Variants in TGM4 observed in about 807,000 individuals in gnomAD.
The protein encoded by TGM4 is protein-glutamine gamma-glutamyltransferase 4.
Under a neutral mutation model 76.3 loss-of-function variants are expected in TGM4, and 61 were observed. That is an observed-to-expected ratio of 0.80 (90% CI 0.65 to 0.99). TGM4 has a LOEUF of 0.99. TGM4 is among the 50% of genes least tolerant of loss of function. TGM4 has a pLI of 0.00. For missense variants in TGM4, 794 were observed against 843.2 expected (o/e 0.94, Z 0.72); for synonymous variants, 337 against 329.8 (o/e 1.02, Z -0.24).
chr3:44,899,023 C>T (rs959060987), intron 6 of TGM4, among the ~76,000 whole-genome samples: 1 of 152,204 alleles, frequency 6.6e-6, no homozygotes, highest in Non-Finnish European at 1.5e-5. Context: ...GGCTGCTTCT[C>T]CTTTCAAGCT....
At chr3:44,875,856 A>C (rs915648004) in intron 1 of TGM4, among the ~76,000 whole-genome samples, 4 of 152,328 alleles carry the variant, frequency 2.6e-5, no homozygotes, top group African/African-American at 9.6e-5. Context: ...ATTCCTCCTT[A>C]GATGGCTGAC....
chr3:44,881,538 T>C (rs1396962507), intron 1 of TGM4, among the ~76,000 whole-genome samples: 1 of 152,222 alleles, frequency 6.6e-6, no homozygotes, highest in Non-Finnish European at 1.5e-5. Context: ...GTGCTGGGCA[T>C]CACATGGTAA....
intron 3 of TGM4, among the ~76,000 whole-genome samples, chr3:44,890,094 A>G (rs1327265693): frequency 2.0e-5 from 3 of 152,112 alleles, no homozygotes; most frequent in Admixed American, 6.6e-5. Flanking sequence ...GCTCATGAGC[A>G]CTCACTGACT....
chr3:44,907,699 T>C (rs537044481), intron 10 of TGM4, among the ~76,000 whole-genome samples: 1 of 152,220 alleles, frequency 6.6e-6, no homozygotes, highest in African/African-American at 2.4e-5. Flanking sequence ...TGCTGGCTAC[T>C]TTCACCCCTG....
At position 44,911,367 on chromosome 3, in the gene TGM4, A is replaced by G. The variant is rs149459592; in HGVS notation, c.1874A>G (p.Glu625Gly). 6.2e-7 allele frequency: 1 copy of G among 1,614,250 alleles called. No individual in the cohort carries two copies. ...TTGACTGACGTCAAGTTCTCTTTGG[A>G]AAGCCTGGGCATCTCCTCACTACAG... ...IPLTDVKFSL[E>G]SLGISSLQTS... The change falls in exon 13 of 14, where the codon GAA (glutamate) becomes GGA (glycine). Residue 625 changes from glutamate (E) to glycine (G), a missense_variant. Glu to Gly is a moderately conservative substitution (Grantham distance 98). Coordinates refer to ENST00000296125, the MANE Select transcript of TGM4 (RefSeq NM_003241.4).
chr3:44,911,535 G>T, intron 13 of TGM4, 129 bp downstream of exon 13: 1 of 1,047,720 alleles, frequency 9.5e-7, no homozygotes, highest in Non-Finnish European at 1.3e-6. Flanking sequence ...TTTTGCTAGT[G>T]CCAAATTACT....
intron 1 of TGM4, among the ~76,000 whole-genome samples, chr3:44,877,355 T>C (rs1699464279): frequency 6.6e-6 from 1 of 151,950 alleles, no homozygotes; most frequent in African/African-American, 2.4e-5. Flanking sequence ...GACTGAGGCA[T>C]GAGAATTGCT....
At chr3:44,884,614 C>T (rs960239662) in intron 1 of TGM4, among the ~76,000 whole-genome samples, 2 of 152,094 alleles carry the variant, frequency 1.3e-5, no homozygotes, top group Admixed American at 6.5e-5. Flanking sequence ...GGATTAGAGG[C>T]GTGAACCACT....
rs1699680520 is a variant in TGM4 at position 44,890,707 on chromosome 3, C to G, written c.405C>G (p.Tyr135Ter). The change falls in exon 4 of 14, where the codon TAC becomes TAG. Residue 135 changes from tyrosine to a stop codon, truncating the protein, a stop_gained. Coordinates refer to ENST00000296125, the MANE Select transcript of TGM4 (RefSeq NM_003241.4). LOFTEE classifies it high-confidence loss of function. ...TTAAGTCTGAAGAAAACATCCTATA[C>G]CTTCTCTTCAACCCATGGTGTAAAG... ...HILKSEENIL[Y>*]LLFNPWCKED... 2.5e-6 allele frequency: 4 copies of G among 1,614,156 alleles called. No homozygotes were observed. The highest frequency in any genetic ancestry group is 2.5e-6 in the Non-Finnish European group (3 of 1,180,010).
chr3:44,880,181 G>A (rs896770559), intron 1 of TGM4, among the ~76,000 whole-genome samples: 2 of 152,186 alleles, frequency 1.3e-5, no homozygotes, highest in Admixed American at 6.5e-5. Flanking sequence ...CTGAAATAGT[G>A]TATTTTGTGT....
At chr3:44,907,310 CAAAAAAAAAA>C (rs3082589) in intron 10 of TGM4, 110 bp downstream of exon 10, 12 of 660,430 alleles carry the variant, frequency 1.8e-5, no homozygotes, top group East Asian at 1.4e-4. Flanking sequence ...CCATCCCTAC[CAAAAAAAAAA>C]AAAAAAAAAA....
At position 44,893,560 on chromosome 3, in the gene TGM4, G is replaced by A. The variant is rs772627161; in HGVS notation, c.431-17G>A. On this transcript the variant is annotated splice_polypyrimidine_tract_variant and intron_variant, in intron 4 of 13. Transcript: ENST00000296125. The stretch of plus-strand genomic sequence containing the variant: ...AGGGCAGAATATAACCTCTGTGGAT[G>A]TGTGGTCTTGCTTCAGAGGACATGG... The A allele has an allele frequency of 1.6e-5, 26 of 1,604,224 alleles. 1 individual carries two copies. The South Asian group carries it at 2.6e-4, about 16-fold the overall frequency.
chr3:44,906,661 T>C (rs1361388972), intron 9 of TGM4, among the ~76,000 whole-genome samples: 1 of 152,152 alleles, frequency 6.6e-6, no homozygotes, highest in Non-Finnish European at 1.5e-5. Context: ...ACCCAGATTG[T>C]GTGTCTCTGT....
In TGM4 at chr3:44,913,897, C is replaced by T; in HGVS notation, c.*172C>T. ...GCAGCCAGACCCACAAGGCCAGGTC[C>T]TGTGCTATCACAGGGTCACCTCTTT... On this transcript the variant is annotated 3_prime_UTR_variant, in exon 14 of 14. Transcript: ENST00000296125. 2.5e-6 allele frequency: 2 copies of T among 815,324 alleles called. No individual in the cohort carries two copies. Among genetic ancestry groups the T allele is most frequent in the Non-Finnish European group, 3.7e-6 (2 of 534,470 alleles). The allele number at this position is 815,324 out of a possible 1,614,324, so 50.5% of individuals were successfully genotyped here.
chr3:44,902,305 T>TA (rs1699865806), intron 8 of TGM4, among the ~76,000 whole-genome samples: 2 of 152,164 alleles, frequency 1.3e-5, no homozygotes, highest in Admixed American at 1.3e-4. Context: ...GGGTGATTGT[T>TA]AAAAAATGCA....
chr3:44,909,749 G>GT (rs1403878087), intron 10 of TGM4, among the ~76,000 whole-genome samples: 1 of 152,152 alleles, frequency 6.6e-6, no homozygotes, highest in Non-Finnish European at 1.5e-5. Context: ...AGATTGTGCT[G>GT]TTTTTCTTGA....
intron 5 of TGM4, among the ~76,000 whole-genome samples, chr3:44,895,295 GA>G (rs1277060462): frequency 6.6e-6 from 1 of 151,658 alleles, no homozygotes; most frequent in Non-Finnish European, 1.5e-5. Context: ...ACTCCATCTT[GA>G]AAAAGAAAAA....
rs760055267 is a variant in TGM4 at position 44,890,743 on chromosome 3, T to C, written c.430+11T>C. ...ACCCATGGTGTAAAGGTACTGTGAA[T>C]CTCAGGTCTGCTGGGGAATGGCAGG... On this transcript the variant is annotated intron_variant, in intron 4 of 13. Coordinates refer to ENST00000296125, the MANE Select transcript of TGM4 (RefSeq NM_003241.4). 7 of 1,613,424 alleles carry C rather than the reference T, an allele frequency of 4.3e-6. No homozygotes were observed. Among genetic ancestry groups the C allele is most frequent in the Admixed American group, 1.7e-5 (1 of 59,956 alleles).
chr3:44,901,706 G>T lies in TGM4; in HGVS notation c.832+8G>T. On this transcript the variant is annotated splice_region_variant and intron_variant, in intron 7 of 13. Coordinates refer to ENST00000296125, the MANE Select transcript of TGM4 (RefSeq NM_003241.4). ...CTGGGATCCTGACTACAGGTAAGTG[G>T]CAGATCCAGGGGCTGAGGGGAGAGG... 6.2e-7 allele frequency: 1 copy of T among 1,613,262 alleles called. No homozygotes were observed. The highest frequency in any genetic ancestry group is 1.3e-5 in the African/African-American group (1 of 75,036).
Sources: allele counts gnomAD v4.1 joint callset (sites outside exome capture counted in the v4.1 genomes callset), GRCh38; gene constraint gnomAD v4.1.1; transcripts MANE v1.5; gene names NCBI Gene and HGNC (gene_info 2026-07-23, HGNC 2026-07-21).